Variants in CDKAL1 observed in about 807,000 individuals in gnomAD.
CDKAL1 encodes the protein threonylcarbamoyladenosine tRNA methylthiotransferase.
Under a neutral mutation model 68.2 loss-of-function variants are expected in CDKAL1, and 32 were observed. The observed-to-expected ratio is 0.47, with a 90% CI of 0.35 to 0.63. CDKAL1 has a LOEUF of 0.63. Ranked by LOEUF, CDKAL1 falls within the 30% of genes least tolerant of loss-of-function variation. The pLI is 0.00. For missense variants in CDKAL1, 606 were observed against 696.7 expected (o/e 0.87, Z 1.47); for synonymous variants, 234 against 244.3 (o/e 0.96, Z 0.39).
chr6:20,684,920 A>G (rs1431421534), intron 5 of CDKAL1, among the ~76,000 whole-genome samples: 2 of 152,198 alleles, frequency 1.3e-5, no homozygotes, highest in Non-Finnish European at 2.9e-5. Context: ...ATAGATCTTT[A>G]TCAGACATAT....
chr6:21,077,114 T>G (rs902802426), intron 12 of CDKAL1, among the ~76,000 whole-genome samples: 2 of 147,952 alleles, frequency 1.4e-5, no homozygotes, highest in Non-Finnish European at 3.0e-5. Flanking sequence ...TATTAGACAA[T>G]TTTAAGGCCA....
Position 20,557,052 on chromosome 6 carries a change from AAT to A in CDKAL1, c.286+8349_286+8350del, listed in dbSNP as rs1470320318. 2.9e-4 allele frequency among the ~76,000 whole-genome samples: 21 copies of A among 72,256 alleles called. 1 individual carries two copies. Among genetic ancestry groups the A allele is most frequent in the East Asian group, 1.5e-3 (4 of 2,746 alleles). 47.4% of individuals were successfully genotyped at this position (72,256 alleles called of 152,430 possible). A position where few individuals can be genotyped will look rare whatever the true frequency, so the allele number is the denominator to read the frequency against. On this transcript the variant is annotated intron_variant, in intron 4 of 15. Coordinates refer to ENST00000274695, the MANE Select transcript of CDKAL1 (RefSeq NM_017774.3). ...ACGAGTCTCCATCTCAAAAAAAAAA[AAT>A]AAATAAATAAATAAATAAATAAATA...
intron 8 of CDKAL1, among the ~76,000 whole-genome samples, chr6:20,836,904 T>A (rs1184547054): frequency 2.6e-5 from 4 of 152,174 alleles, no homozygotes; most frequent in African/African-American, 7.2e-5. Flanking sequence ...ATTTGGGTAG[T>A]CGCCTTGATA....
At chr6:20,589,802 A>G (rs1433417371) in intron 4 of CDKAL1, among the ~76,000 whole-genome samples, 2 of 152,184 alleles carry the variant, frequency 1.3e-5, no homozygotes, top group Non-Finnish European at 2.9e-5. Context: ...GTCCAAATTT[A>G]TGTTTAAAGT....
chr6:21,016,252 G>T (rs1476603299), intron 11 of CDKAL1, among the ~76,000 whole-genome samples: 1 of 152,018 alleles, frequency 6.6e-6, no homozygotes, highest in Non-Finnish European at 1.5e-5. Context: ...CGTGAGGAAA[G>T]TGAAGCACAG....
intron 15 of CDKAL1, among the ~76,000 whole-genome samples, chr6:21,210,306 T>C (rs1276061713): frequency 2.6e-5 from 4 of 152,308 alleles, no homozygotes; most frequent in Admixed American, 1.3e-4. Context: ...TAATCACTCA[T>C]GTGATGGTGT....
At chr6:20,785,815 A>G (rs1375940839) in intron 8 of CDKAL1, among the ~76,000 whole-genome samples, 2 of 152,190 alleles carry the variant, frequency 1.3e-5, no homozygotes, top group Non-Finnish European at 2.9e-5. Context: ...GTTTAGGAAA[A>G]GGGTCCCATT....
intron 11 of CDKAL1, among the ~76,000 whole-genome samples, chr6:21,044,184 A>G (rs935342984): frequency 4.6e-5 from 7 of 152,068 alleles, no homozygotes; most frequent in South Asian, 2.1e-4. Flanking sequence ...TCTAAGGCCC[A>G]TAATTCTCTT....
intron 13 of CDKAL1, among the ~76,000 whole-genome samples, chr6:21,172,673 C>T (rs895069413): frequency 6.6e-6 from 1 of 152,174 alleles, no homozygotes; most frequent in African/African-American, 2.4e-5. Flanking sequence ...GGGAGGATCG[C>T]TTCAGCCCAG....
intron 13 of CDKAL1, among the ~76,000 whole-genome samples, chr6:21,187,373 T>C (rs1778057832): frequency 6.6e-6 from 1 of 152,236 alleles, no homozygotes; most frequent in Non-Finnish European, 1.5e-5. Context: ...TGAAGTCCTC[T>C]CTTCTATCCA....
chr6:21,099,842 C>G lies in CDKAL1; in HGVS notation c.1237-8559C>G, dbSNP rs751108385. 2.6e-5 allele frequency among the ~76,000 whole-genome samples: 4 copies of G among 152,354 alleles called. No individual in the cohort carries two copies. The South Asian group carries it at 6.2e-4, about 24-fold the overall frequency. ...TTTCTGGCCTAACTGCTAGTAAAGG[C>G]TAATCATTTTGGCAACACTTATTAC... On this transcript the variant is annotated intron_variant, in intron 12 of 15. Transcript: ENST00000274695.
At chr6:20,616,939 C>T (rs887503406) in intron 4 of CDKAL1, among the ~76,000 whole-genome samples, 7 of 148,470 alleles carry the variant, frequency 4.7e-5, no homozygotes, top group Non-Finnish European at 8.9e-5. Context: ...ACTTTAGAGG[C>T]TTAGGCTGGA....
chr6:21,014,251 A>G (rs904011055), intron 11 of CDKAL1, among the ~76,000 whole-genome samples: 1 of 152,150 alleles, frequency 6.6e-6, no homozygotes, highest in Non-Finnish European at 1.5e-5. Flanking sequence ...TTTATATGGG[A>G]GATGAAAGGA....
At chr6:20,724,565 A>G (rs142639373) in intron 5 of CDKAL1, among the ~76,000 whole-genome samples, 2 of 152,122 alleles carry the variant, frequency 1.3e-5, no homozygotes, top group African/African-American at 4.8e-5. Context: ...AAAAAAGAAA[A>G]AAAAAGCTGA....
At chr6:20,730,843 C>A (rs1245303155) in intron 5 of CDKAL1, among the ~76,000 whole-genome samples, 498 of 116,010 alleles carry the variant, frequency 4.3e-3, no homozygotes, top group East Asian at 7.8e-3. Flanking sequence ...GACTCCGTCT[C>A]AAAAAAAAAA....
intron 4 of CDKAL1, among the ~76,000 whole-genome samples, chr6:20,562,364 C>G (rs1764299211): frequency 6.6e-6 from 1 of 152,082 alleles, no homozygotes; most frequent in Non-Finnish European, 1.5e-5. Flanking sequence ...TGGAGAAGAT[C>G]TGGAATGCTA....
chr6:20,776,141 T>C lies in CDKAL1; in HGVS notation c.518-5004T>C, dbSNP rs1162733020. Reference sequence around the variant, plus strand: ...AAGGTGAATAATTTATCAAATGTTATTAGTGCAGGCTGCATATTACTGGAG... The same window carrying C: ...AAGGTGAATAATTTATCAAATGTTACTAGTGCAGGCTGCATATTACTGGAG... On this transcript the variant is annotated intron_variant, in intron 7 of 15. Transcript: ENST00000274695. 2.0e-5 allele frequency among the ~76,000 whole-genome samples: 3 copies of C among 152,238 alleles called. No homozygotes were observed. In the East Asian group the frequency reaches 5.8e-4, roughly 29 times the overall value.
In CDKAL1 at chr6:21,065,194, C is replaced by T. The variant is rs1191353538; in HGVS notation, c.1202C>T (p.Pro401Leu). ...INQFYPRPGT[P>L]AAKMEQVPAQ... ...CAATTTTACCCAAGACCAGGAACTC[C>T]TGCTGCAAAAATGGAACAAGTTCCA... Residue 401 changes from proline to leucine, a missense_variant, in exon 12 of 16, where the codon CCT (proline) becomes CTT (leucine). Transcript: ENST00000274695. The T allele has an allele frequency of 6.2e-7, 1 of 1,609,104 alleles. No individual in the cohort carries two copies. Among genetic ancestry groups the T allele is most frequent in the Non-Finnish European group, 8.5e-7 (1 of 1,178,560 alleles).
At chr6:20,685,301 G>A (rs553733096) in intron 5 of CDKAL1, among the ~76,000 whole-genome samples, 15 of 152,270 alleles carry the variant, frequency 9.9e-5, no homozygotes, top group South Asian at 2.1e-4. Flanking sequence ...TCAAAGATCC[G>A]ATGATTGTAT....
Sources: gnomAD v4.1 joint callset for allele counts (sites outside exome capture counted in the v4.1 genomes callset) on GRCh38, gnomAD v4.1.1 for gene constraint, MANE v1.5 for transcripts, NCBI Gene and HGNC (gene_info 2026-07-23, HGNC 2026-07-21) for gene names.